Variants in ZNF66 observed in about 807,000 individuals in gnomAD.
ZNF66 encodes the protein putative zinc finger protein 66.
In ZNF66, 32 loss-of-function variants were observed where a neutral mutation model predicts 35.2. That is an observed-to-expected ratio of 0.91 (90% confidence interval 0.69 to 1.22). The LOEUF (loss-of-function observed/expected upper bound fraction) is 1.22. Among genes scored for constraint, ZNF66 ranks in the 50% most tolerant of loss-of-function variants. The pLI is 0.00. For synonymous variants in ZNF66, 231 were observed against 181.3 expected, an observed-to-expected ratio of 1.27 and a Z score of -2.20; for missense variants, 666 against 543.1, an observed-to-expected ratio of 1.23 and a Z score of -2.25.
intron 3 of ZNF66, among the ~76,000 whole-genome samples, chr19:20,801,624 T>A (rs1185577253): frequency 6.6e-6 from 1 of 152,014 alleles, no homozygotes; most frequent in African/African-American, 2.4e-5. Context: ...GGATTACAGG[T>A]GTGAGCCACT....
rs6511160 is a variant in ZNF66 at position 20,776,335 on chromosome 19, C to G, written c.-113C>G. 0.82 allele frequency: 1,189,695 copies of G among 1,458,326 alleles called. 486,749 individuals carry two copies. Among genetic ancestry groups the G allele is most frequent in the Non-Finnish European group, 0.83 (866,164 of 1,042,082 alleles). 90.3% of individuals were successfully genotyped at this position (1,458,326 alleles called of 1,614,324 possible). A position where few individuals can be genotyped will look rare whatever the true frequency, so the allele number is the denominator to read the frequency against. On this transcript the variant is annotated 5_prime_UTR_variant, in exon 1 of 4. Transcript: ENST00000344519. The stretch of plus-strand genomic sequence containing the variant: ...CCCTGCAGCTGGAGCTCCAGGTCGT[C>G]TGTTCACTGCTCTCTGTCTTCTTCT...
At position 20,807,252 on chromosome 19, in the gene ZNF66, A is replaced by G; in HGVS notation, c.1652A>G (p.Asn551Ser). ...GGCAAAGCCTTTATTTCATCCTCAA[A>G]CCTTAGTAGACATGAGATAATTCAT... is the stretch of plus-strand genomic sequence containing the variant. Reference protein sequence around the residue: ...KCGKAFISSSNLSRHEIIHMG... With the variant: ...KCGKAFISSSSLSRHEIIHMG... The change falls in exon 4 of 4, where the codon AAC becomes AGC. Residue 551 changes from asparagine to serine, a missense_variant. By Grantham distance (46) the Asn-to-Ser change is conservative. Transcript: ENST00000344519. 1.5e-6 allele frequency: 1 copy of G among 663,242 alleles called. No individual in the cohort carries two copies. 41.1% of individuals were successfully genotyped at this position (663,242 alleles called of 1,614,324 possible).
rs1455500649 is a variant in ZNF66, at chr19:20,809,284, A to C, written c.*1962A>C. ...GGATATTATCCAGGAGAACTTCCCC[A>C]ATCTAGCAAGGCAGGCCAACATTCA... On this transcript the variant is annotated 3_prime_UTR_variant, in exon 4 of 4. Coordinates refer to ENST00000344519, the MANE Select transcript of ZNF66 (RefSeq NM_001355197.2). Among the ~76,000 whole-genome samples the C allele has an allele frequency of 6.6e-6, 1 of 152,206 alleles. No individual in the cohort carries two copies. The highest frequency in any genetic ancestry group is 2.4e-5 in the African/African-American group (1 of 41,460).
At chr19:20,805,283 C>T (rs539495887) in intron 3 of ZNF66, among the ~76,000 whole-genome samples, 2 of 152,210 alleles carry the variant, frequency 1.3e-5, no homozygotes, top group South Asian at 4.1e-4. Context: ...CAACCTCTGC[C>T]TCCTGGGTTC....
At position 20,787,096 on chromosome 19, in the gene ZNF66, A is replaced by G. The variant is rs1324292263; in HGVS notation, c.4-5416A>G. Among the ~76,000 whole-genome samples, 4 of 152,256 alleles carry G rather than the reference A, an allele frequency of 2.6e-5. No homozygotes were observed. In the East Asian group the frequency reaches 7.7e-4, roughly 29 times the overall value. ...ATTTTATACCCTAAACCATTATGAT[A>G]TATATCTAATTAATAATCAATGCTA... is the stretch of plus-strand genomic sequence containing the variant. On this transcript the variant is annotated intron_variant, in intron 1 of 3. Transcript: ENST00000344519.
chr19:20,794,331 C>G (rs1195179048), intron 3 of ZNF66: 1 of 164,974 alleles, frequency 6.1e-6, no homozygotes, highest in African/African-American at 2.4e-5. Context: ...ACAGTCCATT[C>G]TATTTTTATT....
chr19:20,788,660 C>T (rs564983634), intron 1 of ZNF66, among the ~76,000 whole-genome samples: 2 of 152,254 alleles, frequency 1.3e-5, no homozygotes, highest in South Asian at 4.2e-4. Context: ...GCGTCATCCT[C>T]CTGAAGCGCT....
At chr19:20,786,068 C>A (rs2144895800) in intron 1 of ZNF66, among the ~76,000 whole-genome samples, 1 of 152,154 alleles carries the variant, frequency 6.6e-6, no homozygotes, top group Non-Finnish European at 1.5e-5. Flanking sequence ...ACTCCCAGCC[C>A]AATTTTTCTT....
intron 2 of ZNF66, among the ~76,000 whole-genome samples, chr19:20,793,322 CTTTTCTTTTCTTTT>C (rs1971357652): frequency 4.7e-5 from 3 of 63,406 alleles, no homozygotes; most frequent in South Asian, 5.4e-4. Context: ...CTTTTCTTTT[CTTTTCTTTTCTTTT>C]TTTTTTTTTT....
chr19:20,776,867 C>T (rs949789250), intron 1 of ZNF66, among the ~76,000 whole-genome samples: 5 of 152,128 alleles, frequency 3.3e-5, no homozygotes, highest in African/African-American at 1.2e-4. Context: ...GTAATCCCCG[C>T]ACGTTGGGAG....
chr19:20,779,928 C>CAA (rs71174746), intron 1 of ZNF66, among the ~76,000 whole-genome samples: 4 of 128,572 alleles, frequency 3.1e-5, no homozygotes, highest in South Asian at 2.5e-4. Flanking sequence ...AACTCTGTCT[C>CAA]AAAAAAAAAA....
At chr19:20,785,768 TG>T (rs1971281988) in intron 1 of ZNF66, among the ~76,000 whole-genome samples, 1 of 128,184 alleles carries the variant, frequency 7.8e-6, no homozygotes, top group African/African-American at 2.8e-5. Flanking sequence ...TTTGTTTGTT[TG>T]TTTGTTTTTT....
At position 20,790,531 on chromosome 19, in the gene ZNF66, A is replaced by G. The variant is rs1278257551; in HGVS notation, c.4-1981A>G. 5.3e-5 allele frequency among the ~76,000 whole-genome samples: 7 copies of G among 132,090 alleles called. No individual in the cohort carries two copies. The East Asian group carries it at 1.4e-3, about 26-fold the overall frequency. The allele number at this position is 132,090 out of a possible 152,430, so 86.7% of individuals were successfully genotyped here. A position where few individuals can be genotyped will look rare whatever the true frequency, so the allele number is the denominator to read the frequency against. ...CCTGAGGACAGGAAAGGAGAAACTT[A>G]TATTTTCATCTTCATGGAGCAGCTC... On this transcript the variant is annotated intron_variant, in intron 1 of 3. Transcript: ENST00000344519.
chr19:20,779,489 G>C (rs1971225737), intron 1 of ZNF66, among the ~76,000 whole-genome samples: 1 of 152,146 alleles, frequency 6.6e-6, no homozygotes, highest in South Asian at 2.1e-4. Flanking sequence ...CAAAGTTCAG[G>C]AGCCTGAGGG....
At position 20,805,956 on chromosome 19, in the gene ZNF66, G is replaced by A. The variant is rs772974082; in HGVS notation, c.356G>A (p.Ser119Asn). 5 of 709,560 alleles carry A rather than the reference G, an allele frequency of 7.0e-6. No homozygotes were observed. The highest frequency in any genetic ancestry group is 1.3e-5 in the Non-Finnish European group (5 of 399,614). 44.0% of individuals were successfully genotyped at this position (709,560 alleles called of 1,614,324 possible). ...TTGCAGTTAAAAAAAGGCTGTGAAA[G>A]TGTGGATAAGTGTAAAGTGCACAAA... ...DNLQLKKGCESVDKCKVHKRG... is the reference protein window; with the variant it reads ...DNLQLKKGCENVDKCKVHKRG... The change falls in exon 4 of 4, where the codon AGT becomes AAT. Residue 119 changes from serine to asparagine, a missense_variant. Ser to Asn is a conservative substitution (Grantham distance 46). Transcript: ENST00000344519.
chr19:20,792,419 C>A (rs1360805902), intron 1 of ZNF66, 93 bp from the exon 2 acceptor site: 2 of 1,172,832 alleles, frequency 1.7e-6, no homozygotes, highest in African/African-American at 3.1e-5. Flanking sequence ...TAAGTCAGAA[C>A]CAGTTATCTT....
chr19:20,776,331 T>TGG lies in ZNF66; in HGVS notation c.-117_-116insGG. On this transcript the variant is annotated 5_prime_UTR_variant, in exon 1 of 4. Coordinates refer to ENST00000344519, the MANE Select transcript of ZNF66 (RefSeq NM_001355197.2). Reference sequence around the variant, plus strand: ...CTCTCCCTGCAGCTGGAGCTCCAGGTCGTCTGTTCACTGCTCTCTGTCTTC... The same window carrying TGG: ...CTCTCCCTGCAGCTGGAGCTCCAGGTGGCGTCTGTTCACTGCTCTCTGTCTTC... 2 of 1,443,136 alleles carry TGG rather than the reference T, an allele frequency of 1.4e-6. No individual in the cohort carries two copies. Among genetic ancestry groups the TGG allele is most frequent in the Non-Finnish European group, 1.9e-6 (2 of 1,028,424 alleles). 89.4% of individuals were successfully genotyped at this position (1,443,136 alleles called of 1,614,324 possible). A position where few individuals can be genotyped will look rare whatever the true frequency, so the allele number is the denominator to read the frequency against.
At chr19:20,802,090 C>T (rs1971453380) in intron 3 of ZNF66, among the ~76,000 whole-genome samples, 1 of 152,002 alleles carries the variant, frequency 6.6e-6, no homozygotes, top group South Asian at 2.1e-4. Flanking sequence ...ACTTTTTCAC[C>T]TTTATACTCA....
chr19:20,799,565 T>C (rs1971428941), intron 3 of ZNF66, among the ~76,000 whole-genome samples: 1 of 152,190 alleles, frequency 6.6e-6, no homozygotes, highest in Non-Finnish European at 1.5e-5. Flanking sequence ...TCAAATGCTT[T>C]TTCCCATTTG....
Sources: allele counts gnomAD v4.1 joint callset (sites outside exome capture counted in the v4.1 genomes callset), GRCh38; gene constraint gnomAD v4.1.1; transcripts MANE v1.5; gene names NCBI Gene and HGNC (gene_info 2026-07-23, HGNC 2026-07-21).